LANCL3: variants seen among roughly 807,000 people sequenced by gnomAD.
LANCL3 encodes the protein LanC like family member 3, also known as lanC-like protein 3.
LANCL3 carries 19 observed loss-of-function variants against 26.5 expected under a neutral mutation model. That is an observed-to-expected ratio of 0.72 (90% CI 0.50 to 1.05). LANCL3 has a LOEUF of 1.05. Ranked by LOEUF, LANCL3 falls within the 50% of genes least tolerant of loss-of-function variation. The pLI is 0.00. For synonymous variants in LANCL3, 160 were observed against 166.6 expected (o/e 0.96, Z 0.30); for missense variants, 318 against 362.7 (o/e 0.88, Z 1.00).
chrX:37,573,515 G>A (rs1556416020), intron 1 of LANCL3, among the ~76,000 whole-genome samples: 1 of 111,485 alleles, frequency 9.0e-6, no homozygotes, highest in Admixed American at 9.5e-5. Flanking sequence ...ATTCAAGTGA[G>A]AAAAAAGATT....
In LANCL3 at chrX:37,680,003, G is replaced by T. The variant is rs1729096005; in HGVS notation, c.*4190G>T. 9.0e-6 allele frequency: 1 copy of T among 111,315 alleles called. No homozygotes were observed. The highest frequency in any genetic ancestry group is 1.9e-5 in the Non-Finnish European group (1 of 53,075). 9.2% of individuals were successfully genotyped at this position (111,315 alleles called of 1,213,427 possible). ...ATTGTGATATGTTTTTCCTGTATCT[G>T]CTCTATCATGTGACCTCCTTTCGCC... is the stretch of plus-strand genomic sequence containing the variant. On this transcript the variant is annotated 3_prime_UTR_variant, in exon 5 of 5. Transcript: ENST00000378619.
rs781912543 is a variant in LANCL3, at chrX:37,590,258, C to T, written c.573+17815C>T. On this transcript the variant is annotated intron_variant, in intron 1 of 4. Coordinates refer to ENST00000378619, the MANE Select transcript of LANCL3 (RefSeq NM_001170331.2). ...CTAGAGATAATTTGCTTACATAGCA[C>T]TAATTCAGATTTTCAGAGGAATTTC... Among the ~76,000 whole-genome samples the T allele has an allele frequency of 1.7e-3, 194 of 112,715 alleles. 1 individual carries two copies. Among genetic ancestry groups the T allele is most frequent in the African/African-American group, 6.0e-3 (188 of 31,091 alleles).
At position 37,584,104 on chromosome X, in the gene LANCL3, A is replaced by T. The variant is rs375806205; in HGVS notation, c.573+11661A>T. On this transcript the variant is annotated intron_variant, in intron 1 of 4. Coordinates refer to ENST00000378619, the MANE Select transcript of LANCL3 (RefSeq NM_001170331.2). ...GTGGTTTTTGTCTTTGGTTCTGTTT[A>T]TATGCTGGATTACGTTTATTGATTT... Among the ~76,000 whole-genome samples the T allele has an allele frequency of 6.3e-5, 7 of 111,679 alleles. No homozygotes were observed. The East Asian group carries it at 1.7e-3, about 27-fold the overall frequency.
intron 1 of LANCL3, among the ~76,000 whole-genome samples, chrX:37,589,863 A>G (rs1924221358): frequency 8.9e-6 from 1 of 111,967 alleles, no homozygotes; most frequent in Admixed American, 9.4e-5. Context: ...AAAGGGCTGG[A>G]GGGAAGCCCT....
chrX:37,649,302 C>T (rs1926067490), intron 1 of LANCL3, among the ~76,000 whole-genome samples: 1 of 111,643 alleles, frequency 9.0e-6, no homozygotes, highest in Non-Finnish European at 1.9e-5. Context: ...ATGTCCTTTG[C>T]AGGGACATGA....
chrX:37,632,064 C>A (rs140971975), intron 1 of LANCL3, among the ~76,000 whole-genome samples: 9,145 of 110,645 alleles, frequency 0.083, 959 homozygotes, highest in African/African-American at 0.29. Context: ...GTTAAAGTCT[C>A]CCATTATTAT....
At chrX:37,641,733 T>C (rs1430126344) in intron 1 of LANCL3, among the ~76,000 whole-genome samples, 1 of 111,764 alleles carries the variant, frequency 8.9e-6, no homozygotes, top group Non-Finnish European at 1.9e-5. Context: ...GAAAGAGCTA[T>C]TAAGCCTTAA....
In LANCL3 at chrX:37,680,722, A is replaced by G. The variant is rs891608682; in HGVS notation, c.*4909A>G. On this transcript the variant is annotated 3_prime_UTR_variant, in exon 5 of 5. Coordinates refer to ENST00000378619, the MANE Select transcript of LANCL3 (RefSeq NM_001170331.2). ...GAAGAAGAGGGAGAAGGGGGTAAAG[A>G]TACATAAGGCTTAACTACCCAGGGT... The G allele has an allele frequency of 2.7e-5, 3 of 111,674 alleles. No individual in the cohort carries two copies. The highest frequency in any genetic ancestry group is 9.6e-5 in the Admixed American group (1 of 10,457). 9.2% of individuals were successfully genotyped at this position (111,674 alleles called of 1,213,427 possible). A position where few individuals can be genotyped will look rare whatever the true frequency, so the allele number is the denominator to read the frequency against.
intron 4 of LANCL3, among the ~76,000 whole-genome samples, chrX:37,673,283 C>T: frequency 9.0e-6 from 1 of 111,105 alleles, no homozygotes; most frequent in East Asian, 2.8e-4. Context: ...CCTGGTTTTG[C>T]TTATTAATTT....
chrX:37,606,263 C>A (rs781826446), intron 1 of LANCL3, among the ~76,000 whole-genome samples: 4 of 111,448 alleles, frequency 3.6e-5, no homozygotes, highest in African/African-American at 6.5e-5. Context: ...GTAACATAGG[C>A]ACCCCCTGCC....
chrX:37,600,080 C>G (rs1415464452), intron 1 of LANCL3, among the ~76,000 whole-genome samples: 1 of 111,675 alleles, frequency 9.0e-6, no homozygotes, highest in Admixed American at 9.5e-5. Context: ...ATAAAGTAGC[C>G]CCCCCTTATC....
intron 1 of LANCL3, 62 bp downstream of exon 1, chrX:37,572,505 C>A: frequency 2.0e-6 from 2 of 997,119 alleles, no homozygotes; most frequent in Non-Finnish European, 2.8e-6. Flanking sequence ...TTTCCCCGGA[C>A]TCCGTGGCTC....
chrX:37,633,162 T>A (rs1374900928), intron 1 of LANCL3, among the ~76,000 whole-genome samples: 1 of 106,738 alleles, frequency 9.4e-6, no homozygotes, highest in African/African-American at 3.5e-5. Flanking sequence ...TTTTTTTTTT[T>A]ATTCTTTTTT....
intron 1 of LANCL3, among the ~76,000 whole-genome samples, chrX:37,635,061 C>T (rs1270261178): frequency 9.0e-6 from 1 of 110,591 alleles, no homozygotes; most frequent in East Asian, 2.8e-4. Context: ...CTCAGGGCAG[C>T]ATGGAAACCT....
At chrX:37,628,539 T>A (rs1003453789) in intron 1 of LANCL3, among the ~76,000 whole-genome samples, 38 of 106,018 alleles carry the variant, frequency 3.6e-4, no homozygotes, top group African/African-American at 1.3e-3. Context: ...GCTGGTGTGC[T>A]GCACCCATTA....
intron 4 of LANCL3, among the ~76,000 whole-genome samples, chrX:37,671,238 A>T (rs1556436021): frequency 2.7e-5 from 3 of 110,330 alleles, no homozygotes; most frequent in African/African-American, 9.9e-5. Flanking sequence ...TGTGCATGGT[A>T]TTTTTTTTCC....
rs782013840 is a variant in LANCL3 at position 37,599,208 on chromosome X, C to T, written c.573+26765C>T. Among the ~76,000 whole-genome samples the T allele has an allele frequency of 1.8e-4, 20 of 111,440 alleles. No homozygotes were observed. In the South Asian group the frequency reaches 1.9e-3, roughly 11 times the overall value. ...CTGAGTAATTAGAGTGAGTTTTCTC[C>T]GGTAATTTCTCTGGTGATGTATCAG... is the stretch of plus-strand genomic sequence containing the variant. On this transcript the variant is annotated intron_variant, in intron 1 of 4. Transcript: ENST00000378619.
intron 1 of LANCL3, among the ~76,000 whole-genome samples, chrX:37,633,963 C>G (rs1160970563): frequency 8.9e-6 from 1 of 112,431 alleles, no homozygotes; most frequent in African/African-American, 3.2e-5. Context: ...CTCTTCAAAG[C>G]TGTCAGACAG....
chrX:37,657,230 G>A (rs1187737800), intron 2 of LANCL3, among the ~76,000 whole-genome samples: 1 of 113,002 alleles, frequency 8.8e-6, no homozygotes, highest in African/African-American at 3.2e-5. Context: ...GCCAGAGAAA[G>A]CCTCAGGCAA....
Sources: gnomAD v4.1 joint callset for allele counts (sites outside exome capture counted in the v4.1 genomes callset) on GRCh38, gnomAD v4.1.1 for gene constraint, MANE v1.5 for transcripts, NCBI Gene and HGNC (gene_info 2026-07-23, HGNC 2026-07-21) for gene names.